Variants in NREP observed in about 807,000 individuals in gnomAD.
NREP encodes the protein neuronal regeneration-related protein.
Under a neutral mutation model 8.6 loss-of-function variants are expected in NREP, and 5 were observed. That is an observed-to-expected ratio of 0.58 (90% CI 0.30 to 1.22). The LOEUF (loss-of-function observed/expected upper bound fraction) is 1.22. Among genes scored for constraint, NREP ranks in the 50% most tolerant of loss-of-function variants. NREP has a pLI of 0.07. For missense variants in NREP, 86 were observed against 82.5 expected, an observed-to-expected ratio of 1.04 and a Z score of -0.17; for synonymous variants, 27 against 28.0, an observed-to-expected ratio of 0.96 and a Z score of 0.11.
chr5:111,852,077 T>C (rs1162907098), intron 2 of NREP, among the ~76,000 whole-genome samples: 2 of 151,972 alleles, frequency 1.3e-5, no homozygotes, highest in Non-Finnish European at 2.9e-5. Flanking sequence ...ATGAGTGGAG[T>C]AGTGCCTTAT....
chr5:111,774,248 GGAGGGAAGGAGGGAGA>G (rs1751306632), intron 2 of NREP, among the ~76,000 whole-genome samples: 3 of 118,496 alleles, frequency 2.5e-5, no homozygotes, highest in African/African-American at 1.1e-4. Flanking sequence ...AAGAAGGGAG[GGAGGGAAGGAGGGAGA>G]GAAGGAGGGA....
rs1021496421 is a variant in NREP at position 111,778,469 on chromosome 5, A to G, written c.136-42962T>C. On this transcript the variant is annotated intron_variant, in intron 2 of 3. Coordinates refer to the NREP transcript ENST00000395634. ...GGGCCTACTTCTTGTCCTCTAAACCATGTCCTTTTTGTCTATTTCATGGCC... is the reference window on the plus strand; with the variant it reads ...GGGCCTACTTCTTGTCCTCTAAACCGTGTCCTTTTTGTCTATTTCATGGCC... Among the ~76,000 whole-genome samples, 3 of 152,108 alleles carry G rather than the reference A, an allele frequency of 2.0e-5. No homozygotes were observed. In the East Asian group the frequency reaches 5.8e-4, roughly 29 times the overall value.
chr5:111,741,529 C>T (rs1249421225), intron 2 of NREP, among the ~76,000 whole-genome samples: 2 of 152,136 alleles, frequency 1.3e-5, no homozygotes, highest in Non-Finnish European at 2.9e-5. Context: ...AACAACATTA[C>T]ATCAAAGATT....
upstream of NREP, chr5:111,757,808 G>C (rs1750830631): frequency 4.1e-6 from 4 of 969,552 alleles, no homozygotes; most frequent in Non-Finnish European, 4.9e-6. Flanking sequence ...ACGTGCGGTT[G>C]CTTTTCAGAC....
chr5:111,731,872 T>A (rs893080136), intron 3 of NREP: 2 of 152,378 alleles, frequency 1.3e-5, no homozygotes, highest in African/African-American at 4.8e-5. Flanking sequence ...GAGCTCTCCA[T>A]CACAACCAGA....
chr5:111,771,835 T>C (rs1362931225), intron 2 of NREP, among the ~76,000 whole-genome samples: 1 of 151,852 alleles, frequency 6.6e-6, no homozygotes, highest in East Asian at 1.9e-4. Context: ...CAATATTCAG[T>C]ATTTCCCTAT....
At chr5:111,789,025 C>A (rs1232565614) in intron 2 of NREP, among the ~76,000 whole-genome samples, 1 of 152,224 alleles carries the variant, frequency 6.6e-6, no homozygotes, top group Admixed American at 6.5e-5. Flanking sequence ...CTTCAGACTC[C>A]AAGTGGGACA....
At chr5:111,818,145 A>G (rs1269876004) in intron 2 of NREP, among the ~76,000 whole-genome samples, 8 of 152,210 alleles carry the variant, frequency 5.3e-5, no homozygotes, top group Non-Finnish European at 1.0e-4. Flanking sequence ...TTTTGTAGAA[A>G]AACATTAAAT....
intron 2 of NREP, among the ~76,000 whole-genome samples, chr5:111,952,231 G>A (rs1756181215): frequency 6.6e-6 from 1 of 151,994 alleles, no homozygotes; most frequent in Non-Finnish European, 1.5e-5. Flanking sequence ...TCTCCACATT[G>A]CATCACCTAA....
intron 2 of NREP, among the ~76,000 whole-genome samples, chr5:111,902,221 G>C (rs1299677560): frequency 6.6e-6 from 1 of 151,910 alleles, no homozygotes; most frequent in Non-Finnish European, 1.5e-5. Context: ...TTAAATAAAT[G>C]GTGCTGGGAA....
At chr5:111,850,241 A>G (rs1753276430) in intron 2 of NREP, among the ~76,000 whole-genome samples, 1 of 152,082 alleles carries the variant, frequency 6.6e-6, no homozygotes, top group Non-Finnish European at 1.5e-5. Context: ...TCTATTTAGT[A>G]GTTTTCTTGA....
intron 2 of NREP, among the ~76,000 whole-genome samples, chr5:111,942,218 C>A (rs1755849378): frequency 6.6e-6 from 1 of 151,984 alleles, no homozygotes; most frequent in East Asian, 1.9e-4. Flanking sequence ...CTGATGCTTA[C>A]CATAAAATGT....
intron 2 of NREP, among the ~76,000 whole-genome samples, chr5:111,897,154 C>T (rs1043727845): frequency 2.6e-5 from 4 of 152,016 alleles, no homozygotes; most frequent in African/African-American, 9.7e-5. Flanking sequence ...CATAATGATA[C>T]ATTTTTATTT....
At chr5:111,841,704 C>T (rs192162891) in intron 2 of NREP, among the ~76,000 whole-genome samples, 201 of 152,098 alleles carry the variant, frequency 1.3e-3, no homozygotes, top group Middle Eastern at 3.4e-3. Context: ...TATATAAGTA[C>T]GGGCCTGTAT....
chr5:111,801,097 A>G (rs1037597348), intron 2 of NREP, among the ~76,000 whole-genome samples: 1 of 152,264 alleles, frequency 6.6e-6, no homozygotes, highest in Non-Finnish European at 1.5e-5. Context: ...CTTGTCCTTG[A>G]GAAAGACATT....
At chr5:111,740,351 G>A (rs1382270298) in intron 2 of NREP, among the ~76,000 whole-genome samples, 4 of 152,022 alleles carry the variant, frequency 2.6e-5, no homozygotes, top group African/African-American at 4.8e-5. Context: ...TAGTGAAAAT[G>A]TGCTATTTCG....
chr5:111,790,652 G>A (rs974259122), intron 2 of NREP, among the ~76,000 whole-genome samples: 3 of 151,950 alleles, frequency 2.0e-5, no homozygotes, highest in Middle Eastern at 3.4e-3. Context: ...ATAACAAGCT[G>A]GAAACAAATT....
intron 2 of NREP, among the ~76,000 whole-genome samples, chr5:111,955,754 T>C (rs1422143576): frequency 2.0e-5 from 3 of 151,988 alleles, no homozygotes; most frequent in Non-Finnish European, 4.4e-5. Context: ...AATATCCAGG[T>C]GCCAGAAATG....
chr5:111,975,114 T>C (rs1362916115), intron 2 of NREP, among the ~76,000 whole-genome samples: 2 of 152,192 alleles, frequency 1.3e-5, no homozygotes, highest in African/African-American at 4.8e-5. Context: ...AAATGGGGTT[T>C]AGGAAATAGG....
Sources: gnomAD v4.1 joint callset for allele counts (sites outside exome capture counted in the v4.1 genomes callset) on GRCh38, gnomAD v4.1.1 for gene constraint, MANE v1.5 for transcripts, NCBI Gene and HGNC (gene_info 2026-07-23, HGNC 2026-07-21) for gene names.